Variants in CSNK1G1 observed in about 807,000 individuals in gnomAD.
The protein encoded by CSNK1G1 is casein kinase I isoform gamma-1.
A neutral mutation model predicts 59.6 loss-of-function variants in CSNK1G1; 22 were observed. The observed-to-expected ratio is 0.37, with a 90% CI of 0.26 to 0.53. The LOEUF is 0.53. Among genes scored for constraint, CSNK1G1 ranks in the 20% least tolerant of loss-of-function variants. The pLI is 0.89. For synonymous variants in CSNK1G1, 179 were observed against 177.1 expected (o/e 1.01, Z -0.08); for missense variants, 384 against 519.5 (o/e 0.74, Z 2.54).
chr15:64,340,848 T>C (rs1201272491), intron 1 of CSNK1G1, among the ~76,000 whole-genome samples: 1 of 152,130 alleles, frequency 6.6e-6, no homozygotes, highest in South Asian at 2.1e-4. Context: ...TCTCAGCTAC[T>C]TAGGAGGCTG....
At chr15:64,349,555 A>G (rs1306763689) in intron 1 of CSNK1G1, among the ~76,000 whole-genome samples, 1 of 152,194 alleles carries the variant, frequency 6.6e-6, no homozygotes, top group Non-Finnish European at 1.5e-5. Context: ...GTGTGGGGAC[A>G]GTCCATCTGT....
chr15:64,311,116 T>A (rs1371344416), intron 1 of CSNK1G1, among the ~76,000 whole-genome samples: 1 of 151,902 alleles, frequency 6.6e-6, no homozygotes, highest in Non-Finnish European at 1.5e-5. Context: ...TGTAGTGGCA[T>A]GATCTCAGCT....
At chr15:64,237,857 G>A (rs956056517) in intron 4 of CSNK1G1, among the ~76,000 whole-genome samples, 1 of 152,106 alleles carries the variant, frequency 6.6e-6, no homozygotes, top group South Asian at 2.1e-4. Flanking sequence ...CCCTCCAAGC[G>A]ACTTCGAAAT....
At chr15:64,189,380 T>C in intron 10 of CSNK1G1, 1 of 1,268,528 alleles carries the variant, frequency 7.9e-7, no homozygotes, top group Non-Finnish European at 1.0e-6. Context: ...CTTGCTCATA[T>C]GTGACTTTTG....
chr15:64,173,934 G>A (rs1336809295), intron 11 of CSNK1G1, among the ~76,000 whole-genome samples: 3 of 152,044 alleles, frequency 2.0e-5, no homozygotes, highest in Admixed American at 6.6e-5. Flanking sequence ...TTTTCTATAC[G>A]TAATGCTTTA....
At chr15:64,285,479 T>A (rs1220501491) in intron 2 of CSNK1G1, among the ~76,000 whole-genome samples, 1 of 152,168 alleles carries the variant, frequency 6.6e-6, no homozygotes, top group East Asian at 1.9e-4. Context: ...TCATTTAGGT[T>A]AATCTATTTG....
At chr15:64,229,902 A>ATTATTTTTTTTTTT (rs2082520192) in intron 4 of CSNK1G1, among the ~76,000 whole-genome samples, 1 of 43,808 alleles carries the variant, frequency 2.3e-5, no homozygotes, top group Non-Finnish European at 4.0e-5. Flanking sequence ...ATGTTTGTAA[A>ATTATTTTTTTTTTT]TTTTTTTTTT....
At chr15:64,218,467 A>AAT (rs1303150035) in intron 4 of CSNK1G1, among the ~76,000 whole-genome samples, 2 of 150,800 alleles carry the variant, frequency 1.3e-5, no homozygotes, top group Non-Finnish European at 1.5e-5. Flanking sequence ...ATCTTGGCCC[A>AAT]CTGTAACCTC....
rs564370323 is a variant in CSNK1G1 at position 64,254,353 on chromosome 15, C to CTTT, written c.223-2775_223-2773dup. On this transcript the variant is annotated intron_variant, in intron 3 of 11. Transcript: ENST00000303052. ...TGTAAATGTACTTAATGCCATTGAACTTTTTTTTTTTTTTTTTGAGACGGA... is the reference window on the plus strand; with the variant it reads ...TGTAAATGTACTTAATGCCATTGAACTTTTTTTTTTTTTTTTTTTTGAGACGGA... Among the ~76,000 whole-genome samples the CTTT allele has an allele frequency of 4.4e-4, 60 of 135,194 alleles. 1 individual carries two copies. The highest frequency in any genetic ancestry group is 9.9e-4 in the African/African-American group (36 of 36,386). The allele number at this position is 135,194 out of a possible 152,430, so 88.7% of individuals were successfully genotyped here. A position where few individuals can be genotyped will look rare whatever the true frequency, so the allele number is the denominator to read the frequency against.
intron 1 of CSNK1G1, among the ~76,000 whole-genome samples, chr15:64,320,447 G>A (rs1227580875): frequency 6.6e-6 from 1 of 152,062 alleles, no homozygotes; most frequent in African/African-American, 2.4e-5. Context: ...GGGAGGCTGA[G>A]ACAGGCGGAT....
chr15:64,244,716 C>A (rs956289938), intron 4 of CSNK1G1, among the ~76,000 whole-genome samples: 9 of 151,996 alleles, frequency 5.9e-5, no homozygotes, highest in Non-Finnish European at 1.0e-4. Flanking sequence ...AACCCCACCT[C>A]TACAAAAAAT....
intron 1 of CSNK1G1, among the ~76,000 whole-genome samples, chr15:64,311,734 G>C (rs1360432407): frequency 6.9e-6 from 1 of 145,398 alleles, no homozygotes. Context: ...TATAAAATTA[G>C]TCAGGTGCAG....
intron 10 of CSNK1G1, among the ~76,000 whole-genome samples, chr15:64,197,802 A>G (rs1375987838): frequency 6.6e-6 from 1 of 152,156 alleles, no homozygotes; most frequent in Non-Finnish European, 1.5e-5. Flanking sequence ...AATAAGCACC[A>G]ACTCGCCAGC....
At chr15:64,264,350 G>C (rs1892867191) in intron 2 of CSNK1G1, among the ~76,000 whole-genome samples, 1 of 152,066 alleles carries the variant, frequency 6.6e-6, no homozygotes, top group Non-Finnish European at 1.5e-5. Flanking sequence ...AACCTGAAGA[G>C]AATAACAAGT....
intron 1 of CSNK1G1, among the ~76,000 whole-genome samples, chr15:64,347,531 G>A (rs540034951): frequency 6.8e-6 from 1 of 146,722 alleles, no homozygotes; most frequent in Non-Finnish European, 1.5e-5. Flanking sequence ...CAGGAGGATC[G>A]CTTGAGCCCA....
chr15:64,263,436 C>T (rs1163999796), intron 2 of CSNK1G1, among the ~76,000 whole-genome samples: 1 of 152,016 alleles, frequency 6.6e-6, no homozygotes, highest in Admixed American at 6.5e-5. Context: ...ATCCGCCTGC[C>T]TTGGCCTCCC....
intron 2 of CSNK1G1, among the ~76,000 whole-genome samples, chr15:64,264,777 G>T (rs182447275): frequency 1.3e-5 from 2 of 152,200 alleles, no homozygotes; most frequent in African/African-American, 4.8e-5. Flanking sequence ...AAAACCATAT[G>T]ATCATCTCAA....
chr15:64,192,247 C>A (rs1029561578), intron 10 of CSNK1G1, among the ~76,000 whole-genome samples: 2 of 152,200 alleles, frequency 1.3e-5, no homozygotes, highest in Admixed American at 1.3e-4. Context: ...AAGTCAATTT[C>A]TCTGCATTAC....
At position 64,300,664 on chromosome 15, in the gene CSNK1G1, T is replaced by A; in HGVS notation, c.-165A>T. On this transcript the variant is annotated 5_prime_UTR_variant, in exon 2 of 12. Transcript: ENST00000303052. Reference sequence around the variant, plus strand: ...TATCTCCGGGAGATGAAAAACCATTTATTTGTTCCCGTAGGAAATGTAGTC... The same window carrying A: ...TATCTCCGGGAGATGAAAAACCATTAATTTGTTCCCGTAGGAAATGTAGTC... 7.8e-7 allele frequency: 1 copy of A among 1,279,308 alleles called. No individual in the cohort carries two copies. The highest frequency in any genetic ancestry group is 9.9e-7 in the Non-Finnish European group (1 of 1,011,090). 79.2% of individuals were successfully genotyped at this position (1,279,308 alleles called of 1,614,324 possible).
Sources: allele counts gnomAD v4.1 joint callset (sites outside exome capture counted in the v4.1 genomes callset), GRCh38; gene constraint gnomAD v4.1.1; transcripts MANE v1.5; gene names NCBI Gene and HGNC (gene_info 2026-07-23, HGNC 2026-07-21).